The following RFX7 variants were observed in gnomAD, a reference collection of about 807,000 sequenced individuals.
RFX7 encodes regulatory factor X7.
RFX7 carries 26 observed loss-of-function variants against 111.8 expected under a neutral mutation model. The observed-to-expected ratio is 0.23, with a 90% CI of 0.17 to 0.32. The LOEUF (loss-of-function observed/expected upper bound fraction) is 0.32, where lower values mean the gene tolerates loss of function less well. Ranked by LOEUF, RFX7 falls within the 10% of genes least tolerant of loss-of-function variation. RFX7 has a pLI of 1.00. For synonymous variants in RFX7, 624 were observed against 624.4 expected (o/e 1.00, Z 0.01); for missense variants, 1,573 against 1,772.9 (o/e 0.89, Z 2.02).
Position 56,093,364 on chromosome 15 carries a change from G to A in RFX7, c.4364C>T (p.Thr1455Ile). The A allele has an allele frequency of 6.2e-7, 1 of 1,610,684 alleles. No individual in the cohort carries two copies. The highest frequency in any genetic ancestry group is 8.5e-7 in the Non-Finnish European group (1 of 1,178,186). Residue 1455 changes from threonine to isoleucine, a missense_variant, in exon 10 of 10, where the codon ACT becomes ATT. By Grantham distance (89) the Thr-to-Ile change is moderately conservative. Coordinates refer to ENST00000559447, the MANE Select transcript of RFX7 (RefSeq NM_022841.7). ...FEWIESKDHP[T>I]VEMLG The stretch of plus-strand genomic sequence containing the variant: ...CACAATTTAACCCAACATTTCAACA[G>A]TAGGATGGTCCTTGCTTTCTATCCA...
At chr15:56,196,241 G>C (rs759854492) in intron 2 of RFX7, among the ~76,000 whole-genome samples, 2 of 151,632 alleles carry the variant, frequency 1.3e-5, no homozygotes, top group Non-Finnish European at 2.9e-5. Flanking sequence ...TTTTCTTTAA[G>C]GAAGAAAACT....
chr15:56,205,480 C>A (rs1436795570), intron 2 of RFX7, among the ~76,000 whole-genome samples: 2 of 152,184 alleles, frequency 1.3e-5, no homozygotes, highest in African/African-American at 4.8e-5. Flanking sequence ...TCTCTCACTT[C>A]TCCTCCCAGA....
chr15:56,128,668 C>T (rs1245246213), intron 5 of RFX7, among the ~76,000 whole-genome samples: 2 of 152,124 alleles, frequency 1.3e-5, no homozygotes, highest in Non-Finnish European at 2.9e-5. Flanking sequence ...GGGGTGTCCA[C>T]TCTTACCATT....
At chr15:56,115,661 C>T (rs1277144096) in intron 5 of RFX7, among the ~76,000 whole-genome samples, 7 of 151,934 alleles carry the variant, frequency 4.6e-5, no homozygotes, top group East Asian at 1.9e-4. Context: ...CATATAGGCC[C>T]GGCACGGTGG....
chr15:56,156,599 A>T (rs2042655815), intron 3 of RFX7, among the ~76,000 whole-genome samples: 1 of 151,720 alleles, frequency 6.6e-6, no homozygotes, highest in African/African-American at 2.4e-5. Flanking sequence ...ACTTAAAAGT[A>T]CAAGTGTCTG....
At position 56,161,641 on chromosome 15, in the gene RFX7, A is replaced by T. The variant is rs973888885; in HGVS notation, c.196-17158T>A. On this transcript the variant is annotated intron_variant, in intron 3 of 9. Transcript: ENST00000559447. The stretch of plus-strand genomic sequence containing the variant: ...CCGGAAAGAAACACAACTACAATGA[A>T]TTTTTTAGAACTTAATAGTAAAAAA... Among the ~76,000 whole-genome samples the T allele has an allele frequency of 3.9e-5, 6 of 152,054 alleles. 1 individual carries two copies. Among genetic ancestry groups the T allele is most frequent in the Non-Finnish European group, 7.4e-5 (5 of 67,914 alleles).
intron 2 of RFX7, among the ~76,000 whole-genome samples, chr15:56,242,062 A>G (rs1272429572): frequency 1.3e-5 from 2 of 152,248 alleles, no homozygotes; most frequent in Non-Finnish European, 2.9e-5. Context: ...TGTTTTCAAA[A>G]TGAGAAAATG....
chr15:56,208,277 G>A (rs1281673954), intron 2 of RFX7, among the ~76,000 whole-genome samples: 2 of 152,110 alleles, frequency 1.3e-5, no homozygotes, highest in Non-Finnish European at 2.9e-5. Flanking sequence ...AACTGACCTG[G>A]GCAAAAGGCA....
intron 5 of RFX7, among the ~76,000 whole-genome samples, chr15:56,119,171 CT>C (rs2042044512): frequency 6.6e-6 from 1 of 152,134 alleles, no homozygotes; most frequent in African/African-American, 2.4e-5. Context: ...GCTTTCTTTG[CT>C]GTGCAGCTTT....
rs1323862929 is a variant in RFX7 at position 56,091,473 on chromosome 15, A to G, written c.*1872T>C. 2.6e-5 allele frequency: 4 copies of G among 152,578 alleles called. No homozygotes were observed. Among genetic ancestry groups the G allele is most frequent in the Non-Finnish European group, 4.4e-5 (3 of 67,972 alleles). 9.5% of individuals were successfully genotyped at this position (152,578 alleles called of 1,614,324 possible). A position where few individuals can be genotyped will look rare whatever the true frequency, so the allele number is the denominator to read the frequency against. ...CCAGTCTTAATATTTTTATCAAAAA[A>G]GATTTCCATTATTTTTATATTAGTA... On this transcript the variant is annotated 3_prime_UTR_variant, in exon 10 of 10. Transcript: ENST00000559447.
intron 3 of RFX7, among the ~76,000 whole-genome samples, chr15:56,160,173 A>G (rs189311229): frequency 7.4e-4 from 113 of 152,258 alleles, no homozygotes; most frequent in Admixed American, 7.1e-3. Context: ...TGGTGAAATT[A>G]TATCTGAGGA....
At chr15:56,147,225 C>T (rs1028464344) in intron 3 of RFX7, among the ~76,000 whole-genome samples, 2 of 152,160 alleles carry the variant, frequency 1.3e-5, no homozygotes, top group Non-Finnish European at 2.9e-5. Flanking sequence ...AGACCAACTT[C>T]ATAAACTTTA....
At chr15:56,111,207 G>T (rs560695728) in intron 5 of RFX7, among the ~76,000 whole-genome samples, 432 of 146,038 alleles carry the variant, frequency 3.0e-3, no homozygotes, top group African/African-American at 0.01. Context: ...GAATAGAAAG[G>T]GGGGAAAGGT....
chr15:56,231,271 T>C (rs143781269), intron 2 of RFX7, among the ~76,000 whole-genome samples: 56 of 152,236 alleles, frequency 3.7e-4, no homozygotes, highest in Non-Finnish European at 7.2e-4. Context: ...TTGGCAGTCA[T>C]ATTAGTCTGT....
intron 5 of RFX7, among the ~76,000 whole-genome samples, chr15:56,137,252 T>C (rs2141008358): frequency 6.6e-6 from 1 of 152,258 alleles, no homozygotes; most frequent in African/African-American, 2.4e-5. Flanking sequence ...TCCTGGACTC[T>C]TTTTGGTTGG....
rs58331616 is a variant in RFX7 at position 56,204,354 on chromosome 15, T to C, written c.162-25051A>G. Among the ~76,000 whole-genome samples the C allele has an allele frequency of 5.1e-3, 775 of 152,184 alleles. 12 individuals carry two copies. Among genetic ancestry groups the C allele is most frequent in the African/African-American group, 0.018 (748 of 41,538 alleles). ...CCTTAATATGCTAACATACGTTGTA[T>C]CTATTTGAGAGTGGGTTGAAGAGCT... On this transcript the variant is annotated intron_variant, in intron 2 of 9. Coordinates refer to ENST00000559447, the MANE Select transcript of RFX7 (RefSeq NM_022841.7).
intron 5 of RFX7, among the ~76,000 whole-genome samples, chr15:56,110,530 C>T (rs1438125491): frequency 6.1e-5 from 2 of 32,552 alleles, no homozygotes; most frequent in African/African-American, 8.2e-5. Flanking sequence ...CTGCCCCGTC[C>T]GGGAGGGAGG....
Position 56,090,007 on chromosome 15 carries a change from T to G in RFX7, c.*3338A>C, listed in dbSNP as rs1427589891. The G allele has an allele frequency of 1.3e-5, 2 of 152,192 alleles. No individual in the cohort carries two copies. Among genetic ancestry groups the G allele is most frequent in the African/African-American group, 4.8e-5 (2 of 41,448 alleles). 9.4% of individuals were successfully genotyped at this position (152,192 alleles called of 1,614,324 possible). On this transcript the variant is annotated 3_prime_UTR_variant, in exon 10 of 10. Coordinates refer to ENST00000559447, the MANE Select transcript of RFX7 (RefSeq NM_022841.7). ...AGTTTCAAGAGTGAGGAAACTCCAT[T>G]CAAGACCCTGGTTTCATTACTTTGC...
intron 9 of RFX7, among the ~76,000 whole-genome samples, chr15:56,097,651 G>A (rs1045146004): frequency 6.9e-6 from 1 of 143,912 alleles, no homozygotes; most frequent in Non-Finnish European, 1.5e-5. Context: ...GGAGGCTGAG[G>A]CAGAATAATT....
Sources: gnomAD v4.1 joint callset for allele counts (sites outside exome capture counted in the v4.1 genomes callset) on GRCh38, gnomAD v4.1.1 for gene constraint, MANE v1.5 for transcripts, NCBI Gene and HGNC (gene_info 2026-07-23, HGNC 2026-07-21) for gene names.